Variants in GALNT13 observed in about 807,000 individuals in gnomAD.
The protein encoded by GALNT13 is polypeptide N-acetylgalactosaminyltransferase 13, also known as UDP-GalNAc:polypeptide N-acetylgalactosaminyltransferase 13.
GALNT13 carries 28 observed loss-of-function variants against 64.2 expected under a neutral mutation model. The observed-to-expected ratio is 0.44, with a 90% CI of 0.32 to 0.60. The LOEUF (loss-of-function observed/expected upper bound fraction) is 0.60. GALNT13 is among the 20% of genes least tolerant of loss of function. The pLI, the probability that GALNT13 is intolerant of heterozygous loss-of-function variation, is 0.05. For missense variants in GALNT13, 577 were observed against 669.8 expected (o/e 0.86, Z 1.53); for synonymous variants, 214 against 224.6 (o/e 0.95, Z 0.42).
At chr2:153,175,817 A>G in the GALNT13 span, among the ~76,000 whole-genome samples, 1 of 152,284 alleles carries the variant, frequency 6.6e-6, no homozygotes, top group Non-Finnish European at 1.5e-5. Context: ...GGTGAATTGT[A>G]TATTACTGAC....
chr2:153,266,319 G>T, the GALNT13 span, among the ~76,000 whole-genome samples: 1 of 152,192 alleles, frequency 6.6e-6, no homozygotes, highest in Non-Finnish European at 1.5e-5. Flanking sequence ...TAGAGAAAAC[G>T]TGCTTCCCTA....
At chr2:153,464,764 G>C in the GALNT13 span, among the ~76,000 whole-genome samples, 1 of 151,940 alleles carries the variant, frequency 6.6e-6, no homozygotes, top group Admixed American at 6.6e-5. Context: ...GACAACTCGG[G>C]TCTTAGGATT....
chr2:154,074,606 A>G (rs1301620892), intron 3 of GALNT13, among the ~76,000 whole-genome samples: 1 of 151,910 alleles, frequency 6.6e-6, no homozygotes, highest in African/African-American at 2.4e-5. Context: ...CATTCTCTTG[A>G]TACCAAAATC....
the GALNT13 span, among the ~76,000 whole-genome samples, chr2:153,606,921 C>T: frequency 6.8e-6 from 1 of 148,066 alleles, no homozygotes; most frequent in Non-Finnish European, 1.5e-5. Context: ...TATCTCCATA[C>T]TCCCTATCAA....
intron 3 of GALNT13, among the ~76,000 whole-genome samples, chr2:153,946,940 G>A (rs1691797985): frequency 6.6e-6 from 1 of 151,950 alleles, no homozygotes; most frequent in African/African-American, 2.4e-5. Flanking sequence ...AGCAGATGAT[G>A]CTGTGCAAAG....
At chr2:154,396,683 T>C (rs1434547328) in intron 10 of GALNT13, among the ~76,000 whole-genome samples, 3 of 152,066 alleles carry the variant, frequency 2.0e-5, no homozygotes, top group African/African-American at 7.2e-5. Context: ...ATTCCATCTA[T>C]TGCTGCAATA....
Position 153,895,140 on chromosome 2 carries a change from T to C in GALNT13, c.-176-5796T>C, listed in dbSNP as rs141020067. Among the ~76,000 whole-genome samples the C allele has an allele frequency of 1.2e-4, 18 of 152,262 alleles. No individual in the cohort carries two copies. The East Asian group carries it at 3.5e-3, about 29-fold the overall frequency. On this transcript the variant is annotated intron_variant, in intron 1 of 12. Coordinates refer to ENST00000392825, the MANE Select transcript of GALNT13 (RefSeq NM_052917.4). Reference sequence around the variant, plus strand: ...GAGGGACTGAAATAAGTTGGCTGTGTATGAGAACCATTGATTAAAATGGCA... The same window carrying C: ...GAGGGACTGAAATAAGTTGGCTGTGCATGAGAACCATTGATTAAAATGGCA...
the GALNT13 span, among the ~76,000 whole-genome samples, chr2:153,592,346 A>G: frequency 2.6e-5 from 4 of 152,216 alleles, no homozygotes; most frequent in South Asian, 6.2e-4. Context: ...CTTCTACTCA[A>G]AAGAAAATAA....
chr2:154,137,066 C>T (rs1682997601), intron 3 of GALNT13, among the ~76,000 whole-genome samples: 1 of 151,710 alleles, frequency 6.6e-6, no homozygotes, highest in Non-Finnish European at 1.5e-5. Context: ...TGTATAGAAA[C>T]TGATATTTAA....
chr2:154,269,916 A>ATATATATATATTTATATATATG (rs1691253012), intron 8 of GALNT13, among the ~76,000 whole-genome samples: 1 of 140,080 alleles, frequency 7.1e-6, no homozygotes, highest in African/African-American at 2.6e-5. Context: ...GTATATATAT[A>ATATATATATATTTATATATATG]TATATATATT....
chr2:153,611,679 CTTTTTTTTTTTTT>C, the GALNT13 span, among the ~76,000 whole-genome samples: 2 of 104,396 alleles, frequency 1.9e-5, no homozygotes, highest in Admixed American at 1.0e-4. Context: ...ACATTTTTAC[CTTTTTTTTTTTTT>C]TTTTTTTTTT....
chr2:153,778,620 C>A, the GALNT13 span, among the ~76,000 whole-genome samples: 1 of 152,302 alleles, frequency 6.6e-6, no homozygotes, highest in East Asian at 1.9e-4. Flanking sequence ...TCTTATGACT[C>A]ATAATGGAAG....
At chr2:153,892,985 A>C (rs1014289355) in intron 1 of GALNT13, among the ~76,000 whole-genome samples, 2 of 152,062 alleles carry the variant, frequency 1.3e-5, no homozygotes, top group African/African-American at 4.8e-5. Context: ...TTCCCTCACA[A>C]GATATGAAGT....
the GALNT13 span, among the ~76,000 whole-genome samples, chr2:153,116,348 G>A: frequency 7.3e-3 from 1,115 of 152,006 alleles, 12 homozygotes; most frequent in African/African-American, 0.025. Context: ...TTTAATGAAC[G>A]GACTGGAACA....
intron 9 of GALNT13, among the ~76,000 whole-genome samples, chr2:154,314,856 C>T (rs1574073870): frequency 6.6e-6 from 1 of 152,082 alleles, no homozygotes; most frequent in South Asian, 2.1e-4. Flanking sequence ...TGTCAAATAT[C>T]CAAACTATAG....
intron 3 of GALNT13, among the ~76,000 whole-genome samples, chr2:154,010,354 G>GT (rs1299581073): frequency 2.6e-5 from 4 of 152,086 alleles, no homozygotes; most frequent in Non-Finnish European, 5.9e-5. Context: ...ATGAACATGT[G>GT]TTTTTTGTTT....
chr2:154,222,517 T>C (rs1688374368), intron 4 of GALNT13, among the ~76,000 whole-genome samples: 1 of 152,166 alleles, frequency 6.6e-6, no homozygotes, highest in Non-Finnish European at 1.5e-5. Context: ...AATTTTGACC[T>C]GGCCTATTCC....
intron 9 of GALNT13, among the ~76,000 whole-genome samples, chr2:154,377,537 C>G (rs566729407): frequency 6.6e-6 from 1 of 152,260 alleles, no homozygotes; most frequent in Non-Finnish European, 1.5e-5. Context: ...CGCTCATAGG[C>G]TTTAGTCCAT....
chr2:153,691,887 C>G, the GALNT13 span, among the ~76,000 whole-genome samples: 1 of 151,950 alleles, frequency 6.6e-6, no homozygotes, highest in Non-Finnish European at 1.5e-5. Context: ...ATATGCTCAA[C>G]AGAAATCCGT....
Sources: allele counts gnomAD v4.1 joint callset (sites outside exome capture counted in the v4.1 genomes callset), GRCh38; gene constraint gnomAD v4.1.1; transcripts MANE v1.5; gene names NCBI Gene and HGNC (gene_info 2026-07-23, HGNC 2026-07-21).